CSMD1: variants seen among roughly 807,000 people sequenced by gnomAD.
CSMD1 encodes CUB and Sushi multiple domains 1, also known as CUB and sushi domain-containing protein 1.
A neutral mutation model predicts 417.5 loss-of-function variants in CSMD1; 213 were observed. The ratio of observed to expected loss-of-function variants is 0.51; its 90% confidence interval spans 0.46 to 0.57. CSMD1 has a LOEUF of 0.57. Among genes scored for constraint, CSMD1 ranks in the 20% least tolerant of loss-of-function variants. The pLI is 0.00. For missense variants in CSMD1, 6,923 were observed against 4,529.7 expected (o/e 1.53, Z -15.17); for synonymous variants, 2,862 against 1,736.8 (o/e 1.65, Z -16.11).
In CSMD1 at chr8:4,210,696, G is replaced by A. The variant is rs182194999; in HGVS notation, c.416-178597C>T. Among the ~76,000 whole-genome samples the A allele has an allele frequency of 1.5e-4, 23 of 152,064 alleles. No homozygotes were observed. The East Asian group carries it at 4.3e-3, about 28-fold the overall frequency. On this transcript the variant is annotated intron_variant, in intron 3 of 69. Transcript: ENST00000635120. ...GAAAGCCAATTTTCCACTTCATTTT[G>A]CTCATTTAATTGTAATGTTAAACAC...
chr8:3,545,879 T>C (rs905920173), intron 10 of CSMD1, among the ~76,000 whole-genome samples: 1 of 152,186 alleles, frequency 6.6e-6, no homozygotes, highest in South Asian at 2.1e-4. Flanking sequence ...TGGTGCAAAC[T>C]TAGTGATGTA....
intron 1 of CSMD1, among the ~76,000 whole-genome samples, chr8:4,667,300 T>C (rs982418555): frequency 6.6e-6 from 1 of 152,160 alleles, no homozygotes; most frequent in African/African-American, 2.4e-5. Context: ...TGATCCAATT[T>C]AGTGCTTCTT....
chr8:3,623,783 C>A (rs892757403), intron 7 of CSMD1, among the ~76,000 whole-genome samples: 1 of 152,098 alleles, frequency 6.6e-6, no homozygotes, highest in African/African-American at 2.4e-5. Flanking sequence ...CAAGACTAGA[C>A]TGAACAACAT....
At chr8:4,220,855 G>T (rs1397098581) in intron 3 of CSMD1, among the ~76,000 whole-genome samples, 2 of 152,188 alleles carry the variant, frequency 1.3e-5, no homozygotes, top group African/African-American at 2.4e-5. Context: ...AGGAAAAGTA[G>T]CTTGGGGTAA....
Position 3,308,438 on chromosome 8 carries a change from C to T in CSMD1, c.3697G>A (p.Gly1233Ser), listed in dbSNP as rs1177777873. ...AGAACTACAGTGTCGGTAAAGTGGC[C>T]TTCATCACGGATCCTATAGCCGTAG... ...PNYGYRIRDE[G>S]HFTDTVVLYS... The change falls in exon 24 of 70, where the codon GGC (glycine) becomes AGC (serine). Residue 1233 changes from glycine (G) to serine (S), a missense_variant. Gly to Ser is a moderately conservative substitution (Grantham distance 56). Transcript: ENST00000635120. 2 of 1,613,794 alleles carry T rather than the reference C, an allele frequency of 1.2e-6. No homozygotes were observed. The highest frequency in any genetic ancestry group is 1.7e-6 in the Non-Finnish European group (2 of 1,179,802).
intron 1 of CSMD1, among the ~76,000 whole-genome samples, chr8:4,960,599 G>A (rs993588696): frequency 6.6e-6 from 1 of 152,140 alleles, no homozygotes; most frequent in Non-Finnish European, 1.5e-5. Flanking sequence ...TAATGCCAGT[G>A]CATACATACA....
Position 3,719,297 on chromosome 8 carries a change from G to C in CSMD1, c.932-10806C>G, listed in dbSNP as rs80197719. Among the ~76,000 whole-genome samples, 796 of 152,228 alleles carry C rather than the reference G, an allele frequency of 5.2e-3. 10 individuals are homozygous for C. Among genetic ancestry groups the C allele is most frequent in the African/African-American group, 0.018 (759 of 41,530 alleles). ...TTTCAGCAAAAAGGCCACTGCCCTA[G>C]AGGCCCAGATAGCTGAGCTCCAATC... On this transcript the variant is annotated intron_variant, in intron 6 of 69. Coordinates refer to ENST00000635120, the MANE Select transcript of CSMD1 (RefSeq NM_033225.6).
Position 4,189,695 on chromosome 8 carries a change from G to T in CSMD1, c.416-157596C>A, listed in dbSNP as rs537286740. On this transcript the variant is annotated intron_variant, in intron 3 of 69. Coordinates refer to ENST00000635120, the MANE Select transcript of CSMD1 (RefSeq NM_033225.6). The stretch of plus-strand genomic sequence containing the variant: ...AATGCATTTGAACGGAAAGAGTGTT[G>T]AGAATTAATTTTTCATTTGTATTCT... Among the ~76,000 whole-genome samples, 3 of 152,088 alleles carry T rather than the reference G, an allele frequency of 2.0e-5. No homozygotes were observed. In the South Asian group the frequency reaches 6.2e-4, roughly 32 times the overall value.
At position 4,428,333 on chromosome 8, in the gene CSMD1, A is replaced by G. The variant is rs548869491; in HGVS notation, c.303-8268T>C. 2.6e-5 allele frequency among the ~76,000 whole-genome samples: 4 copies of G among 152,312 alleles called. No individual in the cohort carries two copies. The South Asian group carries it at 8.3e-4, about 32-fold the overall frequency. On this transcript the variant is annotated intron_variant, in intron 2 of 69. Coordinates refer to ENST00000635120, the MANE Select transcript of CSMD1 (RefSeq NM_033225.6). ...CTAACGAGTCCCAACACCTTTCTCT[A>G]TCATCTAGTACCTACTAGGGATTAA...
intron 18 of CSMD1, among the ~76,000 whole-genome samples, chr8:3,383,548 T>C (rs1404336851): frequency 1.3e-5 from 2 of 152,166 alleles, no homozygotes; most frequent in Non-Finnish European, 2.9e-5. Context: ...GAAAACCTCA[T>C]GCACGAATGA....
At chr8:3,714,561 C>CACAAAAAAAAAAAA (rs1801717986) in intron 6 of CSMD1, among the ~76,000 whole-genome samples, 1 of 70,554 alleles carries the variant, frequency 1.4e-5, no homozygotes, top group African/African-American at 5.5e-5. Context: ...ATCTCTATCC[C>CACAAAAAAAAAAAA]AAAAAAAAAA....
intron 23 of CSMD1, among the ~76,000 whole-genome samples, chr8:3,340,756 A>G (rs1314500271): frequency 6.6e-6 from 1 of 152,186 alleles, no homozygotes; most frequent in Admixed American, 6.5e-5. Context: ...TTATATGGCC[A>G]TCAGCACCAC....
At chr8:4,874,763 A>G (rs1003736228) in intron 1 of CSMD1, among the ~76,000 whole-genome samples, 2 of 151,392 alleles carry the variant, frequency 1.3e-5, no homozygotes, top group Admixed American at 6.6e-5. Flanking sequence ...GATATTTCAT[A>G]TAGACAGAAA....
At chr8:3,475,935 G>T (rs1316925864) in intron 11 of CSMD1, among the ~76,000 whole-genome samples, 15 of 152,166 alleles carry the variant, frequency 9.9e-5, no homozygotes, top group Admixed American at 9.8e-4. Context: ...ACTTTATGAT[G>T]TTTTGGTTAC....
rs536796899 is a variant in CSMD1, at chr8:4,010,517, A to T, written c.611-12407T>A. Among the ~76,000 whole-genome samples the T allele has an allele frequency of 2.0e-5, 3 of 152,066 alleles. No individual in the cohort carries two copies. In the South Asian group the frequency reaches 6.2e-4, roughly 32 times the overall value. On this transcript the variant is annotated intron_variant, in intron 4 of 69. Coordinates refer to ENST00000635120, the MANE Select transcript of CSMD1 (RefSeq NM_033225.6). ...AGCCCAACTCTACCTCAGCCATGCC[A>T]TCACCATTCCCATCATCACCCTCTA...
intron 2 of CSMD1, among the ~76,000 whole-genome samples, chr8:4,504,061 G>C (rs1259623961): frequency 6.6e-6 from 1 of 152,066 alleles, no homozygotes; most frequent in Non-Finnish European, 1.5e-5. Context: ...CAAAACAGTG[G>C]AGGTACAGAA....
At chr8:4,168,987 TC>T (rs933987747) in intron 3 of CSMD1, among the ~76,000 whole-genome samples, 3 of 152,142 alleles carry the variant, frequency 2.0e-5, no homozygotes, top group Non-Finnish European at 2.9e-5. Context: ...CTCCTCATTT[TC>T]CTACTATCTT....
At chr8:3,806,237 C>T (rs150298669) in intron 5 of CSMD1, among the ~76,000 whole-genome samples, 2 of 152,108 alleles carry the variant, frequency 1.3e-5, no homozygotes, top group Admixed American at 6.6e-5. Context: ...TTATGGAGTA[C>T]ATGCAGGTTG....
chr8:4,110,380 A>G (rs1801788175), intron 3 of CSMD1, among the ~76,000 whole-genome samples: 1 of 152,114 alleles, frequency 6.6e-6, no homozygotes, highest in African/African-American at 2.4e-5. Flanking sequence ...TCTAAGGGAA[A>G]AGTCAGCCAG....
Sources: gnomAD v4.1 joint callset for allele counts (sites outside exome capture counted in the v4.1 genomes callset) on GRCh38, gnomAD v4.1.1 for gene constraint, MANE v1.5 for transcripts, NCBI Gene and HGNC (gene_info 2026-07-23, HGNC 2026-07-21) for gene names.